The following MKNK1 variants were observed in gnomAD, a reference collection of about 807,000 sequenced individuals.
The protein encoded by MKNK1 is MAPK interacting serine/threonine kinase 1, also known as MAP kinase-interacting serine/threonine-protein kinase 1.
In MKNK1, 30 loss-of-function variants were observed where a neutral mutation model predicts 49.3. The ratio of observed to expected loss-of-function variants is 0.61; its 90% CI spans 0.46 to 0.83. The LOEUF is 0.83. MKNK1 is among the 40% of genes least tolerant of loss of function. The pLI is 0.00. For synonymous variants in MKNK1, 176 were observed against 201.7 expected, an observed-to-expected ratio of 0.87 and a Z score of 1.08; for missense variants, 423 against 524.7, an observed-to-expected ratio of 0.81 and a Z score of 1.89.
At chr1:46,588,707 T>G (rs1369396247) in intron 2 of MKNK1, among the ~76,000 whole-genome samples, 1 of 150,148 alleles carries the variant, frequency 6.7e-6, no homozygotes, top group African/African-American at 2.5e-5. Flanking sequence ...TTCGGGAGGC[T>G]GAGGCAGGAG....
intron 5 of MKNK1, chr1:46,575,881 G>T (rs1208554817): frequency 6.6e-6 from 1 of 152,250 alleles, no homozygotes; most frequent in Non-Finnish European, 1.5e-5. Flanking sequence ...AAAGAAGATT[G>T]TGGAGGCAGT....
At chr1:46,600,500 T>C (rs1222781896) in intron 1 of MKNK1, among the ~76,000 whole-genome samples, 2 of 152,256 alleles carry the variant, frequency 1.3e-5, no homozygotes, top group African/African-American at 4.8e-5. Context: ...TAAACTAAGA[T>C]CCGCTAATAC....
rs768844983 is a variant in MKNK1 at position 46,562,849 on chromosome 1, G to C, written c.610-6C>G. The C allele has an allele frequency of 3.7e-6, 6 of 1,603,888 alleles. No homozygotes were observed. The highest frequency in any genetic ancestry group is 5.1e-6 in the Non-Finnish European group (6 of 1,175,210). On this transcript the variant is annotated splice_polypyrimidine_tract_variant and splice_region_variant and intron_variant, in intron 9 of 12. Transcript: ENST00000371945. ...ATGTATTCTGCAGAGCCACACTGTG[G>C]GGGCCAGGGTTGGGGGAGGGGGAGA...
intron 4 of MKNK1, among the ~76,000 whole-genome samples, chr1:46,578,199 G>GACA (rs1275297906): frequency 6.6e-6 from 1 of 152,216 alleles, no homozygotes; most frequent in African/African-American, 2.4e-5. Context: ...GCAGAACATG[G>GACA]ACAACTATCT....
rs368004748 is a variant in MKNK1 at position 46,571,199 on chromosome 1, CTG to C, written c.457+862_457+863del. Among the ~76,000 whole-genome samples, 536 of 152,302 alleles carry C rather than the reference CTG, an allele frequency of 3.5e-3. 1 individual carries two copies. The highest frequency in any genetic ancestry group is 0.013 in the African/African-American group (520 of 41,566). On this transcript the variant is annotated intron_variant, in intron 7 of 12. Transcript: ENST00000371945. ...GAAGCGTAAATCAAATACTAGTAACCTGTGAGTTACCAATGTGCTTTTCAACA... is the reference window on the plus strand; with the variant it reads ...GAAGCGTAAATCAAATACTAGTAACCTGAGTTACCAATGTGCTTTTCAACA...
At chr1:46,569,153 C>A (rs1669637763) in intron 7 of MKNK1, 1 of 152,338 alleles carries the variant, frequency 6.6e-6, no homozygotes, top group Admixed American at 6.5e-5. Flanking sequence ...GAAATCCTGG[C>A]CTTAAGCAAT....
In MKNK1 at chr1:46,592,113, G is replaced by A. The variant is rs547503485; in HGVS notation, c.-3+2000C>T. ...AAATTAGCTGGTTGTGGTGGCAGGTGTCTCTAATCTCAGTTACTCAGGAGA... is the reference window on the plus strand; with the variant it reads ...AAATTAGCTGGTTGTGGTGGCAGGTATCTCTAATCTCAGTTACTCAGGAGA... On this transcript the variant is annotated intron_variant, in intron 2 of 12. Transcript: ENST00000371945. Among the ~76,000 whole-genome samples, 62 of 152,328 alleles carry A rather than the reference G, an allele frequency of 4.1e-4. No homozygotes were observed. The South Asian group carries it at 0.012, about 30-fold the overall frequency.
In MKNK1 at chr1:46,574,956, A is replaced by G. The variant is rs779853251; in HGVS notation, c.343T>C (p.Leu115=). The change falls in exon 6 of 13, where the codon TTG becomes CTG. Residue 115 remains leucine (L), a synonymous_variant. Coordinates refer to ENST00000371945, the MANE Select transcript of MKNK1 (RefSeq NM_001135553.4). ...ACTCAACGGTAAGTACCTCCTTGCA[A>G]TTTCTCAAAGACCAAGTAAAACCTT... ...DTRFYLVFEK[L]QGGSILAHIQ... 3.7e-6 allele frequency: 6 copies of G among 1,612,090 alleles called. No individual in the cohort carries two copies. The highest frequency in any genetic ancestry group is 5.1e-6 in the Non-Finnish European group (6 of 1,178,470).
At chr1:46,568,325 G>A (rs1294687052) in intron 8 of MKNK1, 118 bp downstream of exon 8, 14 of 880,820 alleles carry the variant, frequency 1.6e-5, no homozygotes, top group Non-Finnish European at 2.6e-5. Context: ...ACATGTCCAA[G>A]ACGATCAGTT....
At chr1:46,562,035 A>G (rs1417726454) in intron 10 of MKNK1, among the ~76,000 whole-genome samples, 1 of 152,038 alleles carries the variant, frequency 6.6e-6, no homozygotes, top group Non-Finnish European at 1.5e-5. Context: ...GCCCACATCT[A>G]TGCCCGTGCT....
rs113849820 is a variant in MKNK1, at chr1:46,587,793, C to T, written c.-2-4464G>A. Reference sequence around the variant, plus strand: ...GATCGCACCATTGCACTCCAGCCTGCGCAACAAGAGTGAAACTCCGTCTCA... The same window carrying T: ...GATCGCACCATTGCACTCCAGCCTGTGCAACAAGAGTGAAACTCCGTCTCA... On this transcript the variant is annotated intron_variant, in intron 2 of 12. Transcript: ENST00000371945. Among the ~76,000 whole-genome samples the T allele has an allele frequency of 4.0e-4, 61 of 151,712 alleles. No homozygotes were observed. In the South Asian group the frequency reaches 9.6e-3, roughly 24 times the overall value.
intron 2 of MKNK1, among the ~76,000 whole-genome samples, chr1:46,587,743 G>A (rs1044293045): frequency 5.3e-5 from 8 of 152,112 alleles, no homozygotes; most frequent in African/African-American, 1.4e-4. Context: ...CTTGAACCCC[G>A]GAGGCGGAGG....
Position 46,568,444 on chromosome 1 carries a change from T to A in MKNK1, c.512A>T (p.Lys171Met), listed in dbSNP as rs778014435. Residue 171 changes from lysine (K) to methionine (M), a missense_variant and splice_region_variant, in exon 8 of 13, where the codon AAG becomes ATG. Physicochemically the swap from Lys to Met is moderately conservative, Grantham distance 95. Coordinates refer to ENST00000371945, the MANE Select transcript of MKNK1 (RefSeq NM_001135553.4). ...CATTCCAAATCAGGCCCAAAGTACC[T>A]TTTCTGGAGATTCACACAATATATT... is the stretch of plus-strand genomic sequence containing the variant. The part of the protein sequence containing the change: ...PENILCESPE[K>M]VSPVKICDFD... The A allele has an allele frequency of 2.4e-5, 39 of 1,613,838 alleles. No individual in the cohort carries two copies. Among genetic ancestry groups the A allele is most frequent in the Admixed American group, 1.0e-4 (6 of 59,990 alleles).
In MKNK1 at chr1:46,572,439, C is replaced by T. The variant is rs529105712; in HGVS notation, c.353-272G>A. Reference sequence around the variant, plus strand: ...TTCACCATGTTGGTCAGGCTGGTCTCGAACTCCCGACCAAGTGATCCGCCT... The same window carrying T: ...TTCACCATGTTGGTCAGGCTGGTCTTGAACTCCCGACCAAGTGATCCGCCT... On this transcript the variant is annotated intron_variant, in intron 6 of 12. Coordinates refer to ENST00000371945, the MANE Select transcript of MKNK1 (RefSeq NM_001135553.4). 174 of 259,848 alleles carry T rather than the reference C, an allele frequency of 6.7e-4. 2 individuals carry two copies. The South Asian group carries it at 7.6e-3, about 11-fold the overall frequency. 16.1% of individuals were successfully genotyped at this position (259,848 alleles called of 1,614,324 possible).
chr1:46,603,995 G>A (rs1028183434), intron 1 of MKNK1, among the ~76,000 whole-genome samples, 190 bp downstream of exon 1: 4 of 152,002 alleles, frequency 2.6e-5, no homozygotes, highest in Non-Finnish European at 5.9e-5. Flanking sequence ...CCGACCCCAG[G>A]CACAGAGGTC....
intron 2 of MKNK1, among the ~76,000 whole-genome samples, chr1:46,591,576 G>A (rs369829583): frequency 3.3e-5 from 5 of 152,120 alleles, no homozygotes; most frequent in African/African-American, 1.2e-4. Flanking sequence ...GGGCTGGATG[G>A]GAGTGGGGAG....
chr1:46,588,305 T>G (rs1180388617), intron 2 of MKNK1, among the ~76,000 whole-genome samples: 2 of 152,244 alleles, frequency 1.3e-5, no homozygotes, highest in Non-Finnish European at 2.9e-5. Context: ...TAACTCACGT[T>G]TTATTTTTAA....
chr1:46,586,475 G>A lies in MKNK1; in HGVS notation c.-2-3146C>T, dbSNP rs545005065. Among the ~76,000 whole-genome samples, 3 of 152,286 alleles carry A rather than the reference G, an allele frequency of 2.0e-5. No homozygotes were observed. In the South Asian group the frequency reaches 6.2e-4, roughly 32 times the overall value. On this transcript the variant is annotated intron_variant, in intron 2 of 12. Transcript: ENST00000371945. ...GGGCACTGATTTTATTTGGCCTTGA[G>A]TGCTCCCCTGTGTTCCTAAAGGCTG...
intron 2 of MKNK1, chr1:46,584,700 G>A (rs116659780): frequency 0.014 from 2,073 of 152,252 alleles, 22 homozygotes; most frequent in Non-Finnish European, 0.023. Flanking sequence ...TCCGGAGAGA[G>A]CACACAGGAT....
Sources: gnomAD v4.1 joint callset for allele counts (sites outside exome capture counted in the v4.1 genomes callset) on GRCh38, gnomAD v4.1.1 for gene constraint, MANE v1.5 for transcripts, NCBI Gene and HGNC (gene_info 2026-07-23, HGNC 2026-07-21) for gene names.